Variants in MIS18BP1 observed in about 807,000 individuals in gnomAD.
The protein encoded by MIS18BP1 is mis18-binding protein 1.
A neutral mutation model predicts 116.1 loss-of-function variants in MIS18BP1; 72 were observed. The observed-to-expected ratio is 0.62, with a 90% CI of 0.51 to 0.75. The LOEUF (loss-of-function observed/expected upper bound fraction) is 0.75, where lower values mean the gene tolerates loss of function less well. MIS18BP1 is among the 30% of genes least tolerant of loss of function. MIS18BP1 has a pLI of 0.00. For synonymous variants in MIS18BP1, 386 were observed against 427.0 expected, an observed-to-expected ratio of 0.90 and a Z score of 1.18; for missense variants, 1,363 against 1,303.2, an observed-to-expected ratio of 1.05 and a Z score of -0.71.
In MIS18BP1 at chr14:45,217,190, A is replaced by G; in HGVS notation, c.2843-11T>C. ...CATCACCTCTCTTGCCTTAAGAGTCAGCAAACCATTTTGATAAGGATTTGG... is the reference window on the plus strand; with the variant it reads ...CATCACCTCTCTTGCCTTAAGAGTCGGCAAACCATTTTGATAAGGATTTGG... On this transcript the variant is annotated splice_polypyrimidine_tract_variant and intron_variant, in intron 12 of 16. Coordinates refer to ENST00000310806, the MANE Select transcript of MIS18BP1 (RefSeq NM_018353.5). The G allele has an allele frequency of 6.2e-7, 1 of 1,611,078 alleles. No individual in the cohort carries two copies. Among genetic ancestry groups the G allele is most frequent in the Non-Finnish European group, 8.5e-7 (1 of 1,179,002 alleles).
intron 1 of MIS18BP1, 116 bp downstream of exon 1, chr14:45,252,919 G>A (rs999413885): frequency 6.6e-6 from 1 of 152,252 alleles, no homozygotes; most frequent in East Asian, 1.9e-4. Flanking sequence ...ACCAAAGCCA[G>A]AAATCTACAA....
chr14:45,227,085 A>C (rs952336803), intron 9 of MIS18BP1, among the ~76,000 whole-genome samples: 21 of 152,234 alleles, frequency 1.4e-4, no homozygotes, highest in Non-Finnish European at 2.9e-4. Context: ...GCTTTTAAAA[A>C]TATGCTTTAT....
intron 6 of MIS18BP1, among the ~76,000 whole-genome samples, chr14:45,234,451 AC>A (rs1262636506): frequency 1.4e-4 from 22 of 152,190 alleles, no homozygotes; most frequent in Non-Finnish European, 2.1e-4. Flanking sequence ...ATAGACAGTA[AC>A]GTGCTAGTTC....
rs1466500424 is a variant in MIS18BP1, at chr14:45,224,231, C to T, written c.2356G>A (p.Ala786Thr). 6.2e-7 allele frequency: 1 copy of T among 1,613,764 alleles called. No homozygotes were observed. Among genetic ancestry groups the T allele is most frequent in the Non-Finnish European group, 8.5e-7 (1 of 1,180,008 alleles). ...CCTGCTTTGGTTTTCTTAACTTCAG[C>T]TTTCCTTTTAATTTCCTTTTCTGTT... ...SETEKEIKRK[A>T]EVKKTKAGNT... Residue 786 changes from alanine to threonine, a missense_variant, in exon 11 of 17, where the codon GCT becomes ACT. By Grantham distance (58) the Ala-to-Thr change is moderately conservative. Transcript: ENST00000310806.
At chr14:45,215,804 A>C (rs1162483114) in intron 13 of MIS18BP1, among the ~76,000 whole-genome samples, 1 of 150,680 alleles carries the variant, frequency 6.6e-6, no homozygotes, top group African/African-American at 2.5e-5. Flanking sequence ...TCCTGGGTTC[A>C]TGCTATTCTC....
chr14:45,252,378 T>C (rs1167202068), intron 1 of MIS18BP1, among the ~76,000 whole-genome samples: 2 of 152,170 alleles, frequency 1.3e-5, no homozygotes, highest in Non-Finnish European at 2.9e-5. Flanking sequence ...AGTAACAACA[T>C]AGAATTGCAT....
chr14:45,204,220 GAGA>G lies in MIS18BP1; in HGVS notation c.3296-11_3296-9del, dbSNP rs1890447840. The G allele has an allele frequency of 1.9e-6, 3 of 1,584,946 alleles. No individual in the cohort carries two copies. The highest frequency in any genetic ancestry group is 1.7e-4 in the Middle Eastern group (1 of 5,838). The stretch of plus-strand genomic sequence containing the variant: ...CAGAGTTTTCTCCTAAGTCTGTAAA[GAGA>G]AGTTTAATAAAAAGATAATAAATTT... On this transcript the variant is annotated splice_polypyrimidine_tract_variant and intron_variant, in intron 16 of 16. Transcript: ENST00000310806.
rs1471230399 is a variant in MIS18BP1, at chr14:45,206,200, A to G, written c.3153-30T>C. 4.1e-6 allele frequency: 6 copies of G among 1,467,390 alleles called. No homozygotes were observed. In the African/African-American group the frequency reaches 5.6e-5, roughly 14 times the overall value. 90.9% of individuals were successfully genotyped at this position (1,467,390 alleles called of 1,614,324 possible). ...TTGAATACGAAATAATTTTAAGTCA[A>G]CAATATTTTTAAGTCAACCTAATAA... On this transcript the variant is annotated intron_variant, in intron 14 of 16. Transcript: ENST00000310806.
rs753375230 is a variant in MIS18BP1 at position 45,224,305 on chromosome 14, G to C, written c.2282C>G (p.Ser761Ter). The stretch of plus-strand genomic sequence containing the variant: ...TGGTGAGGACTGATGCTTATAAAAT[G>C]ACATAGCTACCTGATTTTCTATTTT... ...LKKIENQVAM[S>*]FYKHQSSPDL... The change falls in exon 11 of 17, where the codon TCA becomes TGA. Residue 761 changes from serine (S) to a stop codon, truncating the protein, a stop_gained. Coordinates refer to ENST00000310806, the MANE Select transcript of MIS18BP1 (RefSeq NM_018353.5). LOFTEE classifies it high-confidence loss of function. 2 of 1,613,730 alleles carry C rather than the reference G, an allele frequency of 1.2e-6. No homozygotes were observed. Among genetic ancestry groups the C allele is most frequent in the East Asian group, 2.2e-5 (1 of 44,856 alleles).
chr14:45,220,361 T>C (rs1422255124), intron 11 of MIS18BP1, among the ~76,000 whole-genome samples: 1 of 152,188 alleles, frequency 6.6e-6, no homozygotes, highest in Non-Finnish European at 1.5e-5. Flanking sequence ...TTCTTATTTA[T>C]TGATATAGTT....
chr14:45,223,799 A>G (rs1594510574), intron 11 of MIS18BP1, 119 bp downstream of exon 11: 1 of 740,798 alleles, frequency 1.3e-6, no homozygotes, highest in East Asian at 2.8e-5. Flanking sequence ...TGTGCAAATT[A>G]TAATTTCTCC....
Position 45,206,112 on chromosome 14 carries a change from TACC to T in MIS18BP1, c.3208_3210del (p.Gly1070del), listed in dbSNP as rs1407399521. On this transcript the variant is annotated inframe_deletion, in exon 15 of 17. Transcript: ENST00000310806. ...TTTTTCTTGATGTTGCCCCAGACAA[TACC>T]ACCATTACTTTTATGATATTTTTGC... 5.6e-6 allele frequency: 9 copies of T among 1,608,280 alleles called. No individual in the cohort carries two copies. Among genetic ancestry groups the T allele is most frequent in the African/African-American group, 1.3e-5 (1 of 74,746 alleles).
At chr14:45,237,141 A>G (rs1891452112) in intron 5 of MIS18BP1, among the ~76,000 whole-genome samples, 1 of 152,054 alleles carries the variant, frequency 6.6e-6, no homozygotes, top group African/African-American at 2.4e-5. Flanking sequence ...TGGTGCTAAT[A>G]GAGTAGCAGA....
At chr14:45,247,789 A>T (rs918251249) in intron 1 of MIS18BP1, among the ~76,000 whole-genome samples, 2 of 152,280 alleles carry the variant, frequency 1.3e-5, no homozygotes, top group African/African-American at 4.8e-5. Flanking sequence ...CACAAATATA[A>T]TTTTTCCCTT....
At chr14:45,245,332 A>T (rs1180308318) in intron 2 of MIS18BP1, among the ~76,000 whole-genome samples, 2 of 148,850 alleles carry the variant, frequency 1.3e-5, no homozygotes, top group African/African-American at 4.9e-5. Context: ...CTTCCTCACA[A>T]TCTTCTCAGT....
At position 45,231,588 on chromosome 14, in the gene MIS18BP1, C is replaced by T. The variant is rs575878510; in HGVS notation, c.1437-290G>A. 4.3e-5 allele frequency: 11 copies of T among 254,184 alleles called. No individual in the cohort carries two copies. The East Asian group carries it at 7.5e-4, about 17-fold the overall frequency. The allele number at this position is 254,184 out of a possible 1,614,324, so 15.7% of individuals were successfully genotyped here. On this transcript the variant is annotated intron_variant, in intron 7 of 16. Transcript: ENST00000310806. ...ATATTATAGGAAAACTACAGGACAACTGCCAGTTGCCTGTTTTTGTAAATG... is the reference window on the plus strand; with the variant it reads ...ATATTATAGGAAAACTACAGGACAATTGCCAGTTGCCTGTTTTTGTAAATG...
chr14:45,224,442 A>G lies in MIS18BP1; in HGVS notation c.2145T>C (p.Asp715=), dbSNP rs780749818. Residue 715 remains aspartate (D), a synonymous_variant, in exon 11 of 17, where the codon GAT becomes GAC. Coordinates refer to ENST00000310806, the MANE Select transcript of MIS18BP1 (RefSeq NM_018353.5). The part of the protein sequence containing the change: ...GHKSKNKEDC[D]ERDLLTVNRK... ...GGTTGACAGTAAGTAAGTCACGTTC[A>G]TCGCAATCTTCCTTGTTTTTACTTT... 4.6e-5 allele frequency: 75 copies of G among 1,613,862 alleles called. No individual in the cohort carries two copies. The highest frequency in any genetic ancestry group is 6.0e-5 in the Non-Finnish European group (71 of 1,180,014).
chr14:45,203,200 G>A lies in MIS18BP1; in HGVS notation c.*909C>T, dbSNP rs1293623441. 6.6e-6 allele frequency: 1 copy of A among 150,710 alleles called. No homozygotes were observed. Among genetic ancestry groups the A allele is most frequent in the African/African-American group, 2.4e-5 (1 of 40,858 alleles). The allele number at this position is 150,710 out of a possible 1,614,324, so 9.3% of individuals were successfully genotyped here. ...AAAACAAGAAACAAATACTATAAAA[G>A]CAAACTAACTTTATTTGAATAATCT... On this transcript the variant is annotated 3_prime_UTR_variant, in exon 17 of 17. Transcript: ENST00000310806.
At chr14:45,219,341 A>T (rs1890909488) in intron 11 of MIS18BP1, among the ~76,000 whole-genome samples, 1 of 152,226 alleles carries the variant, frequency 6.6e-6, no homozygotes, top group Non-Finnish European at 1.5e-5. Context: ...CCTGATTTAT[A>T]AAGTCTGATG....
Sources: gnomAD v4.1 joint callset for allele counts (sites outside exome capture counted in the v4.1 genomes callset) on GRCh38, gnomAD v4.1.1 for gene constraint, MANE v1.5 for transcripts, NCBI Gene and HGNC (gene_info 2026-07-23, HGNC 2026-07-21) for gene names.